CLEC3A: variants seen among roughly 807,000 people sequenced by gnomAD.
CLEC3A encodes C-type lectin domain family 3 member A, also known as C-type (calcium dependent, carbohydrate-recognition domain) lectin, superfamily member 1 (cartilage-derived).
In CLEC3A, 28 loss-of-function variants were observed where a neutral mutation model predicts 20.4. That is an observed-to-expected ratio of 1.37 (90% CI 1.02 to 1.88). The LOEUF is 1.88. CLEC3A is among the 40% of genes most tolerant of loss of function. CLEC3A has a pLI of 0.00. For synonymous variants in CLEC3A, 110 were observed against 88.1 expected, an observed-to-expected ratio of 1.25 and a Z score of -1.39; for missense variants, 357 against 240.4, an observed-to-expected ratio of 1.48 and a Z score of -3.21.
chr16:78,029,208 A>C, intron 2 of CLEC3A: 2 of 447,610 alleles, frequency 4.5e-6, no homozygotes, highest in South Asian at 3.2e-5. Context: ...ACCTAAACCC[A>C]GGCACTATGG....
At chr16:78,022,835 T>C in intron 1 of CLEC3A, 94 bp downstream of exon 1, 2 of 1,311,644 alleles carry the variant, frequency 1.5e-6, no homozygotes, top group Non-Finnish European at 2.1e-6. Context: ...CAGGAGACTA[T>C]CTTCGGTGAT....
In CLEC3A at chr16:78,024,934, C is replaced by T. The variant is rs1227028752; in HGVS notation, c.115+2193C>T. Among the ~76,000 whole-genome samples the T allele has an allele frequency of 3.9e-5, 6 of 152,200 alleles. No individual in the cohort carries two copies. In the East Asian group the frequency reaches 1.2e-3, roughly 30 times the overall value. ...CTCTACCCACCAGGTTCAAACAATT[C>T]TAGTACCTCAGCCTCTCAAGTAGCT... On this transcript the variant is annotated intron_variant, in intron 1 of 2. Transcript: ENST00000299642.
chr16:78,029,407 T>G (rs903918581), intron 2 of CLEC3A, among the ~76,000 whole-genome samples: 5 of 152,210 alleles, frequency 3.3e-5, no homozygotes, highest in African/African-American at 1.2e-4. Flanking sequence ...CTTGCACTGT[T>G]GCCCGGGCTG....
At chr16:78,023,783 A>G (rs548946533) in intron 1 of CLEC3A, among the ~76,000 whole-genome samples, 53 of 147,534 alleles carry the variant, frequency 3.6e-4, no homozygotes, top group Middle Eastern at 7.2e-3. Flanking sequence ...TCTGAGACAG[A>G]GTCTCGCTCT....
At chr16:78,027,384 T>G (rs1307165863) in intron 1 of CLEC3A, among the ~76,000 whole-genome samples, 1 of 152,168 alleles carries the variant, frequency 6.6e-6, no homozygotes, top group Non-Finnish European at 1.5e-5. Context: ...AGGAGATATT[T>G]AAGCTTGCTA....
intron 1 of CLEC3A, among the ~76,000 whole-genome samples, chr16:78,023,873 T>G (rs11862205): frequency 0.025 from 3,733 of 151,508 alleles, 56 homozygotes; most frequent in African/African-American, 0.041. Flanking sequence ...TTCTCCTGCC[T>G]CAGCCTCCCA....
At chr16:78,027,819 C>A (rs1377030852) in intron 1 of CLEC3A, among the ~76,000 whole-genome samples, 1 of 152,154 alleles carries the variant, frequency 6.6e-6, no homozygotes, top group African/African-American at 2.4e-5. Flanking sequence ...CCATGCCCAG[C>A]TAATTTTTAT....
At chr16:78,028,633 T>G (rs1388512549) in intron 2 of CLEC3A, among the ~76,000 whole-genome samples, 1 of 152,210 alleles carries the variant, frequency 6.6e-6, no homozygotes, top group Non-Finnish European at 1.5e-5. Flanking sequence ...CTCCCCACAG[T>G]TATGCAGCCA....
Position 78,022,591 on chromosome 16 carries a change from G to C in CLEC3A, c.-36G>C. On this transcript the variant is annotated 5_prime_UTR_variant, in exon 1 of 3. Coordinates refer to ENST00000299642, the MANE Select transcript of CLEC3A (RefSeq NM_005752.6). ...CTCCTTCCATAGCTGCTCTAAGGGG[G>C]CTGGCAACATGGCTCAGCAGGCTTG... The C allele has an allele frequency of 1.2e-6, 2 of 1,610,604 alleles. No homozygotes were observed. The highest frequency in any genetic ancestry group is 8.5e-7 in the Non-Finnish European group (1 of 1,178,412).
chr16:78,028,613 G>A (rs902272404), intron 2 of CLEC3A, among the ~76,000 whole-genome samples: 1 of 152,204 alleles, frequency 6.6e-6, no homozygotes, highest in Non-Finnish European at 1.5e-5. Flanking sequence ...ACAGGGCAGC[G>A]CCAGCGTTCC....
In CLEC3A at chr16:78,022,587, G is replaced by T; in HGVS notation, c.-40G>T. On this transcript the variant is annotated 5_prime_UTR_variant, in exon 1 of 3. In the 5' UTR this introduces an upstream ATG that the reference lacks. Coordinates refer to ENST00000299642, the MANE Select transcript of CLEC3A (RefSeq NM_005752.6). The stretch of plus-strand genomic sequence containing the variant: ...TAGTCTCCTTCCATAGCTGCTCTAA[G>T]GGGGCTGGCAACATGGCTCAGCAGG... 6.2e-7 allele frequency: 1 copy of T among 1,609,760 alleles called. No homozygotes were observed. The highest frequency in any genetic ancestry group is 8.5e-7 in the Non-Finnish European group (1 of 1,178,024).
Position 78,031,106 on chromosome 16 carries a change from T to C in CLEC3A, c.*265T>C, listed in dbSNP as rs2030090202. The C allele has an allele frequency of 2.9e-6, 1 of 339,738 alleles. No homozygotes were observed. The highest frequency in any genetic ancestry group is 7.0e-5 in the South Asian group (1 of 14,196). 21.0% of individuals were successfully genotyped at this position (339,738 alleles called of 1,614,324 possible). A position where few individuals can be genotyped will look rare whatever the true frequency, so the allele number is the denominator to read the frequency against. On this transcript the variant is annotated 3_prime_UTR_variant, in exon 3 of 3. Coordinates refer to ENST00000299642, the MANE Select transcript of CLEC3A (RefSeq NM_005752.6). ...CTAAACAGACTAAAATCTTTCTCTC[T>C]AGTCTTTCTCACTTGTACAAACCCA... is the stretch of plus-strand genomic sequence containing the variant.
chr16:78,027,026 T>C (rs576178537), intron 1 of CLEC3A, among the ~76,000 whole-genome samples: 3 of 152,322 alleles, frequency 2.0e-5, no homozygotes, highest in South Asian at 2.1e-4. Context: ...GACACTCTCA[T>C]TGGACTTGTC....
At chr16:78,029,408 G>A (rs999500341) in intron 2 of CLEC3A, among the ~76,000 whole-genome samples, 1 of 152,112 alleles carries the variant, frequency 6.6e-6, no homozygotes, top group African/African-American at 2.4e-5. Context: ...TTGCACTGTT[G>A]CCCGGGCTGG....
intron 1 of CLEC3A, among the ~76,000 whole-genome samples, chr16:78,024,410 C>T (rs2707599): frequency 1.3e-5 from 2 of 152,088 alleles, no homozygotes; most frequent in Non-Finnish European, 2.9e-5. Context: ...CCTCCTCCCA[C>T]TCTCTTCTCT....
chr16:78,026,643 A>G (rs2029931359), intron 1 of CLEC3A, among the ~76,000 whole-genome samples: 1 of 152,160 alleles, frequency 6.6e-6, no homozygotes, highest in Admixed American at 6.5e-5. Flanking sequence ...TCTGACAAAC[A>G]GTATGTGGAA....
In CLEC3A at chr16:78,031,876, T is replaced by C. The variant is rs1456010074; in HGVS notation, c.*1035T>C. On this transcript the variant is annotated 3_prime_UTR_variant, in exon 3 of 3. Coordinates refer to ENST00000299642, the MANE Select transcript of CLEC3A (RefSeq NM_005752.6). ...GCTTGTTTAACTAGATTGTACAAAA[T>C]AACTTCATTGCTTAATATCAAATTA... The C allele has an allele frequency of 6.6e-6, 1 of 152,366 alleles. No homozygotes were observed. The highest frequency in any genetic ancestry group is 2.4e-5 in the African/African-American group (1 of 41,452). 9.4% of individuals were successfully genotyped at this position (152,366 alleles called of 1,614,324 possible). A position where few individuals can be genotyped will look rare whatever the true frequency, so the allele number is the denominator to read the frequency against.
chr16:78,029,983 C>A (rs113320598), intron 2 of CLEC3A, among the ~76,000 whole-genome samples: 84 of 152,034 alleles, frequency 5.5e-4, no homozygotes, highest in Non-Finnish European at 1.0e-3. Context: ...GAAATCCCGT[C>A]TCTACTAAAA....
rs944270170 is a variant in CLEC3A, at chr16:78,031,497, T to C, written c.*656T>C. 2.0e-5 allele frequency: 3 copies of C among 152,000 alleles called. No individual in the cohort carries two copies. The highest frequency in any genetic ancestry group is 3.9e-4 in the East Asian group (2 of 5,184). The allele number at this position is 152,000 out of a possible 1,614,324, so 9.4% of individuals were successfully genotyped here. A position where few individuals can be genotyped will look rare whatever the true frequency, so the allele number is the denominator to read the frequency against. The stretch of plus-strand genomic sequence containing the variant: ...TTTCCAGCCGCAATTTGAAATGAAA[T>C]GACAAGGTGTATATTTGATCAATTT... On this transcript the variant is annotated 3_prime_UTR_variant, in exon 3 of 3. Coordinates refer to ENST00000299642, the MANE Select transcript of CLEC3A (RefSeq NM_005752.6).
Sources: allele counts gnomAD v4.1 joint callset (sites outside exome capture counted in the v4.1 genomes callset), GRCh38; gene constraint gnomAD v4.1.1; transcripts MANE v1.5; gene names NCBI Gene and HGNC (gene_info 2026-07-23, HGNC 2026-07-21).